The following ZNF564 variants were observed in gnomAD, a reference collection of about 807,000 sequenced individuals.
The protein encoded by ZNF564 is zinc finger protein 564.
In ZNF564, 5 loss-of-function variants were observed where a neutral mutation model predicts 10.5. That is an observed-to-expected ratio of 0.48 (90% CI 0.25 to 1.00). The LOEUF is 1.00. Among genes scored for constraint, ZNF564 ranks in the 50% least tolerant of loss-of-function variants. The probability of loss-of-function intolerance (pLI) is 0.16; values close to 1 mark genes in which losing one functional copy is unlikely to be tolerated. For missense variants in ZNF564, 603 were observed against 669.7 expected, an observed-to-expected ratio of 0.90 and a Z score of 1.10; for synonymous variants, 242 against 218.1, an observed-to-expected ratio of 1.11 and a Z score of -0.97.
chr19:12,526,008 G>A lies in ZNF564; in HGVS notation c.*438C>T, dbSNP rs10405199. ...ACATTGTGGGGGAGAGGGGGGGCAC[G>A]GGGGTAAGGTTTCAACATATGAATC... On this transcript the variant is annotated 3_prime_UTR_variant, in exon 4 of 4. Transcript: ENST00000339282. The A allele has an allele frequency of 0.011, 1,693 of 154,492 alleles. 24 individuals are homozygous for A. Among genetic ancestry groups the A allele is most frequent in the African/African-American group, 0.039 (1,600 of 41,474 alleles). The allele number at this position is 154,492 out of a possible 1,614,324, so 9.6% of individuals were successfully genotyped here.
chr19:12,548,335 A>G (rs751332670), intron 1 of ZNF564: 14 of 193,798 alleles, frequency 7.2e-5, no homozygotes, highest in Non-Finnish European at 1.1e-4. Flanking sequence ...CTCCTGCCTC[A>G]GCCACCCAGC....
chr19:12,540,576 T>C lies in ZNF564; in HGVS notation c.3+10754A>G, dbSNP rs559950550. 5.3e-3 allele frequency among the ~76,000 whole-genome samples: 808 copies of C among 151,968 alleles called. 6 individuals carry two copies. Among genetic ancestry groups the C allele is most frequent in the African/African-American group, 0.018 (758 of 41,458 alleles). On this transcript the variant is annotated intron_variant, in intron 1 of 3. Transcript: ENST00000339282. The stretch of plus-strand genomic sequence containing the variant: ...CTCTATTAAAAATACAAAAACCGGC[T>C]GGGTGTGGTAGCTCATGCCTGTAAT...
intron 1 of ZNF564, among the ~76,000 whole-genome samples, chr19:12,541,876 G>T (rs943868682): frequency 6.6e-6 from 1 of 151,574 alleles, no homozygotes; most frequent in Non-Finnish European, 1.5e-5. Flanking sequence ...TTAGCTGGGC[G>T]TAGTGGCAGG....
intron 1 of ZNF564, among the ~76,000 whole-genome samples, chr19:12,546,772 T>A (rs2022162975): frequency 6.6e-6 from 1 of 152,106 alleles, no homozygotes; most frequent in Non-Finnish European, 1.5e-5. Flanking sequence ...TTCCCATTGT[T>A]TACTTCATAA....
At chr19:12,538,178 C>T (rs1020212380) in intron 1 of ZNF564, among the ~76,000 whole-genome samples, 2 of 151,712 alleles carry the variant, frequency 1.3e-5, no homozygotes, top group Non-Finnish European at 2.9e-5. Context: ...TATATAAATA[C>T]AAAATAAAGT....
At position 12,527,689 on chromosome 19, in the gene ZNF564, G is replaced by T. The variant is rs200195154; in HGVS notation, c.419C>A (p.Pro140Gln). ...TTTCCCACACTGCTTACATTTATAT[G>T]GTTTCTCTCCATATTCCTGATAGTC... is the stretch of plus-strand genomic sequence containing the variant. ...PYDYQEYGEK[P>Q]YKCKQCGKAF... is the part of the protein sequence containing the mutation. Residue 140 changes from proline (P) to glutamine (Q), a missense_variant, in exon 4 of 4, where the codon CCA becomes CAA. Transcript: ENST00000339282. 1.1e-5 allele frequency: 17 copies of T among 1,614,176 alleles called. No homozygotes were observed. In the East Asian group the frequency reaches 2.9e-4, roughly 28 times the overall value.
chr19:12,548,001 G>C (rs1298978595), intron 1 of ZNF564, among the ~76,000 whole-genome samples: 1 of 151,804 alleles, frequency 6.6e-6, no homozygotes, highest in African/African-American at 2.4e-5. Context: ...AGTAGAAACA[G>C]GGTTTCTCCA....
chr19:12,547,880 C>T (rs2022182870), intron 1 of ZNF564, among the ~76,000 whole-genome samples: 1 of 151,088 alleles, frequency 6.6e-6, no homozygotes. Context: ...GGCACGATCT[C>T]GGCTCACCGC....
intron 1 of ZNF564, among the ~76,000 whole-genome samples, chr19:12,532,326 G>A (rs1024418300): frequency 6.6e-6 from 1 of 151,376 alleles, no homozygotes; most frequent in East Asian, 1.9e-4. Flanking sequence ...ACGAGGTCAG[G>A]AGATTGAGAC....
At chr19:12,528,193 T>C in intron 3 of ZNF564, 111 bp downstream of exon 3, 2 of 1,120,730 alleles carry the variant, frequency 1.8e-6, no homozygotes, top group Middle Eastern at 2.1e-4. Flanking sequence ...GGTGAAAAAG[T>C]TGTAGGAATA....
intron 1 of ZNF564, among the ~76,000 whole-genome samples, chr19:12,539,503 CAAA>C (rs1181815609): frequency 3.1e-5 from 2 of 64,010 alleles, no homozygotes; most frequent in Non-Finnish European, 3.3e-5. Flanking sequence ...AATAAAAATA[CAAA>C]AAAAAAAAAA....
intron 1 of ZNF564, among the ~76,000 whole-genome samples, chr19:12,539,188 C>A (rs7351084): frequency 7.0e-6 from 1 of 143,542 alleles, no homozygotes; most frequent in African/African-American, 2.6e-5. Context: ...AAGCTGAGAT[C>A]GTGCCTCCTG....
intron 1 of ZNF564, among the ~76,000 whole-genome samples, chr19:12,545,710 G>A (rs185597593): frequency 6.6e-6 from 1 of 152,268 alleles, no homozygotes; most frequent in Admixed American, 6.5e-5. Flanking sequence ...AGGCAAATAA[G>A]AGCTGAAAAA....
At chr19:12,528,738 T>A (rs2021741359) in intron 1 of ZNF564, 42 bp from the exon 2 acceptor site, 10 of 1,591,580 alleles carry the variant, frequency 6.3e-6, no homozygotes, top group Non-Finnish European at 7.7e-6. Context: ...AAGAATGAGA[T>A]GACAGTACAG....
Position 12,527,302 on chromosome 19 carries a change from C to T in ZNF564, c.806G>A (p.Arg269Gln), listed in dbSNP as rs201393543. ...TCCAGTATGAGTTCTTTCATGTATT[C>T]GAAATAAACTGGGGCGGTCAAAGGC... is the stretch of plus-strand genomic sequence containing the variant. ...GKAFDRPSLF[R>Q]IHERTHTGEK... Residue 269 changes from arginine (R) to glutamine (Q), a missense_variant, in exon 4 of 4, where the codon CGA (arginine) becomes CAA (glutamine). Transcript: ENST00000339282. 248 of 1,612,674 alleles carry T rather than the reference C, an allele frequency of 1.5e-4. No individual in the cohort carries two copies. Among genetic ancestry groups the T allele is most frequent in the Non-Finnish European group, 1.9e-4 (227 of 1,179,704 alleles).
intron 1 of ZNF564, among the ~76,000 whole-genome samples, chr19:12,542,005 G>T (rs1048577440): frequency 2.1e-4 from 20 of 95,504 alleles, no homozygotes; most frequent in African/African-American, 7.7e-4. Flanking sequence ...GACAGAGCGA[G>T]ACTCTGTCCA....
chr19:12,538,439 G>A (rs2021961018), intron 1 of ZNF564, among the ~76,000 whole-genome samples: 1 of 151,784 alleles, frequency 6.6e-6, no homozygotes, highest in Non-Finnish European at 1.5e-5. Flanking sequence ...GCCTGGACAA[G>A]ATGATGGAAC....
At position 12,527,337 on chromosome 19, in the gene ZNF564, T is replaced by C. The variant is rs762419407; in HGVS notation, c.771A>G (p.Glu257=). ...HTGDGPYKCQ[E]CGKAFDRPSL... is the part of the protein sequence containing the mutation. ...TGGGGCGGTCAAAGGCTTTTCCACATTCCTGACATTTATAAGGTCCATCTC... is the reference window on the plus strand; with the variant it reads ...TGGGGCGGTCAAAGGCTTTTCCACACTCCTGACATTTATAAGGTCCATCTC... Residue 257 remains glutamate, a synonymous_variant, in exon 4 of 4, where the codon GAA becomes GAG. Transcript: ENST00000339282. The C allele has an allele frequency of 3.1e-6, 5 of 1,612,160 alleles. No individual in the cohort carries two copies. Among genetic ancestry groups the C allele is most frequent in the South Asian group, 2.2e-5 (2 of 91,072 alleles).
chr19:12,532,352 G>C (rs374366741), intron 1 of ZNF564, among the ~76,000 whole-genome samples: 3 of 150,478 alleles, frequency 2.0e-5, no homozygotes. Context: ...TGGCTAACAC[G>C]GTGAAACCCC....
Sources: gnomAD v4.1 joint callset for allele counts (sites outside exome capture counted in the v4.1 genomes callset) on GRCh38, gnomAD v4.1.1 for gene constraint, MANE v1.5 for transcripts, NCBI Gene and HGNC (gene_info 2026-07-23, HGNC 2026-07-21) for gene names.